Variants in PHIP observed in about 807,000 individuals in gnomAD.
The protein encoded by PHIP is PHIP subunit of CUL4-Ring ligase complex.
Under a neutral mutation model 236.8 loss-of-function variants are expected in PHIP, and 54 were observed. The ratio of observed to expected loss-of-function variants is 0.23; its 90% CI spans 0.18 to 0.29. The LOEUF is 0.29. PHIP is among the 10% of genes least tolerant of loss of function. PHIP has a pLI of 1.00. For synonymous variants in PHIP, 756 were observed against 718.9 expected (o/e 1.05, Z -0.83); for missense variants, 1,370 against 2,190.8 (o/e 0.63, Z 7.48).
At chr6:79,077,065 C>A (rs1369356068) in intron 4 of PHIP, among the ~76,000 whole-genome samples, 1 of 152,098 alleles carries the variant, frequency 6.6e-6, no homozygotes, top group Admixed American at 6.5e-5. Flanking sequence ...GCAGAGCGAG[C>A]AAGCGAACGA....
chr6:79,051,525 T>C (rs67354417), intron 6 of PHIP, among the ~76,000 whole-genome samples: 16,147 of 152,170 alleles, frequency 0.11, 887 homozygotes, highest in Middle Eastern at 0.19. Context: ...TCCAGATTTC[T>C]AGATATTCAA....
intron 18 of PHIP, 63 bp from the exon 19 acceptor site, chr6:78,997,660 GA>G (rs1256425525): frequency 8.1e-7 from 1 of 1,234,288 alleles, no homozygotes. Flanking sequence ...GTTTATAACA[GA>G]AAAAAGAGAT....
chr6:79,075,398 G>A (rs1055806455), intron 4 of PHIP, among the ~76,000 whole-genome samples: 1 of 152,112 alleles, frequency 6.6e-6, no homozygotes, highest in East Asian at 1.9e-4. Context: ...TAAACTGTCT[G>A]ATGAGTATGC....
At chr6:78,984,136 C>T (rs1446166222) in intron 22 of PHIP, among the ~76,000 whole-genome samples, 1 of 152,072 alleles carries the variant, frequency 6.6e-6, no homozygotes, top group East Asian at 1.9e-4. Context: ...ACTAACCCTC[C>T]CCACTACCCC....
In PHIP at chr6:78,958,588, G is replaced by C; in HGVS notation, c.3669C>G (p.Ser1223=). 3 of 1,566,408 alleles carry C rather than the reference G, an allele frequency of 1.9e-6. No individual in the cohort carries two copies. In the South Asian group the frequency reaches 3.4e-5, roughly 18 times the overall value. ...CTATATATCGAACTTCCCACATTAGGGAAGAAACCCGCCTTAAAAAAACAA... is the reference window on the plus strand; with the variant it reads ...CTATATATCGAACTTCCCACATTAGCGAAGAAACCCGCCTTAAAAAAACAA... ...LENRFYRRVS[S]LMWEVRYIEH... Residue 1223 remains serine, a synonymous_variant, in exon 32 of 40, where the codon TCC becomes TCG. Transcript: ENST00000275034.
intron 23 of PHIP, among the ~76,000 whole-genome samples, chr6:78,981,689 T>G (rs1768546167): frequency 6.6e-6 from 1 of 151,976 alleles, no homozygotes. Flanking sequence ...CAAAAGTTCA[T>G]CAAAACTGTC....
intron 9 of PHIP, among the ~76,000 whole-genome samples, chr6:79,021,464 G>A (rs1468657201): frequency 6.6e-6 from 1 of 152,156 alleles, no homozygotes; most frequent in South Asian, 2.1e-4. Context: ...GTGAAGATTT[G>A]GAAGGAACCA....
At chr6:78,949,930 C>G (rs924081277) in intron 35 of PHIP, among the ~76,000 whole-genome samples, 1 of 152,156 alleles carries the variant, frequency 6.6e-6, no homozygotes, top group Non-Finnish European at 1.5e-5. Flanking sequence ...CTCAAGTGAT[C>G]CACCTACCTT....
chr6:78,954,268 A>ATT lies in PHIP; in HGVS notation c.4053+544_4053+545dup, dbSNP rs66960387. ...AGGCACCCGCCCACACGCCTGGCTA[A>ATT]TTTTTTTTTTTGTATTTTAAGTAGA... On this transcript the variant is annotated intron_variant, in intron 35 of 39. Coordinates refer to ENST00000275034, the MANE Select transcript of PHIP (RefSeq NM_017934.7). Among the ~76,000 whole-genome samples the ATT allele has an allele frequency of 1.4e-3, 199 of 147,106 alleles. 1 individual carries two copies. The highest frequency in any genetic ancestry group is 4.1e-3 in the African/African-American group (166 of 40,036).
At chr6:79,077,623 GGCGGCGGCA>G (rs1293989940) in intron 3 of PHIP, 68 bp downstream of exon 3, 10 of 874,364 alleles carry the variant, frequency 1.1e-5, no homozygotes, top group Non-Finnish European at 1.4e-5. Context: ...GCGCCCTGCC[GGCGGCGGCA>G]GCGGCGGCGC....
intron 7 of PHIP, among the ~76,000 whole-genome samples, chr6:79,040,562 T>G (rs1772156593): frequency 6.6e-6 from 1 of 152,104 alleles, no homozygotes; most frequent in Non-Finnish European, 1.5e-5. Flanking sequence ...ATCTACTATC[T>G]TAAAGGCTGA....
rs1385676033 is a variant in PHIP, at chr6:78,998,246, C to T, written c.2017+8G>A. ...AAATATTTCACTTAAAATAGAATAC[C>T]TGCTTACCTCTACTTAAACGGCTGG... is the stretch of plus-strand genomic sequence containing the variant. On this transcript the variant is annotated splice_region_variant and intron_variant, in intron 18 of 39. Transcript: ENST00000275034. 2.5e-6 allele frequency: 4 copies of T among 1,603,132 alleles called. No individual in the cohort carries two copies. The highest frequency in any genetic ancestry group is 1.7e-5 in the Admixed American group (1 of 59,870).
At chr6:79,003,705 ATGAT>A in intron 16 of PHIP, 21 bp downstream of exon 16, 1 of 1,528,636 alleles carries the variant, frequency 6.5e-7, no homozygotes, top group Middle Eastern at 1.8e-4. Flanking sequence ...AAATAAGGAC[ATGAT>A]ATATAGTCAT....
chr6:78,946,591 C>G, intron 37 of PHIP, 120 bp downstream of exon 37: 1 of 1,418,774 alleles, frequency 7.0e-7, no homozygotes, highest in Non-Finnish European at 9.1e-7. Flanking sequence ...TAGGAACTTG[C>G]ATGTCAAATT....
intron 30 of PHIP, among the ~76,000 whole-genome samples, chr6:78,962,145 C>A (rs572019674): frequency 6.6e-6 from 1 of 152,224 alleles, no homozygotes; most frequent in South Asian, 2.1e-4. Flanking sequence ...CAAAGCCATT[C>A]TATTATTAAC....
chr6:79,040,425 A>C (rs1772150808), intron 7 of PHIP, among the ~76,000 whole-genome samples: 1 of 152,160 alleles, frequency 6.6e-6, no homozygotes, highest in Admixed American at 6.6e-5. Flanking sequence ...TCTTAGAAAT[A>C]AATCTGCAAG....
intron 29 of PHIP, among the ~76,000 whole-genome samples, chr6:78,964,850 G>A (rs1767030431): frequency 6.6e-6 from 1 of 152,058 alleles, no homozygotes; most frequent in Non-Finnish European, 1.5e-5. Context: ...AATTTATGAA[G>A]TCTTTATAAT....
intron 13 of PHIP, 113 bp from the exon 14 acceptor site, chr6:79,015,896 A>T: frequency 1.5e-6 from 1 of 654,716 alleles, no homozygotes; most frequent in Non-Finnish European, 2.5e-6. Flanking sequence ...CTATCACTTA[A>T]CAGTAACTGA....
intron 29 of PHIP, among the ~76,000 whole-genome samples, chr6:78,965,420 T>G (rs1335949809): frequency 6.6e-6 from 1 of 152,196 alleles, no homozygotes; most frequent in Non-Finnish European, 1.5e-5. Flanking sequence ...TGTCTCTGCC[T>G]CCCAAATGCA....
Sources: allele counts gnomAD v4.1 joint callset (sites outside exome capture counted in the v4.1 genomes callset), GRCh38; gene constraint gnomAD v4.1.1; transcripts MANE v1.5; gene names NCBI Gene and HGNC (gene_info 2026-07-23, HGNC 2026-07-21).